Variants in PCM1 observed in about 807,000 individuals in gnomAD.
PCM1 encodes pericentriolar material 1, also known as pericentriolar material 1 protein.
Under a neutral mutation model 241.9 loss-of-function variants are expected in PCM1, and 157 were observed. The ratio of observed to expected loss-of-function variants is 0.65; its 90% CI spans 0.57 to 0.74. The LOEUF (loss-of-function observed/expected upper bound fraction) is 0.74. Among genes scored for constraint, PCM1 ranks in the 30% least tolerant of loss-of-function variants. The probability of loss-of-function intolerance (pLI) is 0.00; values close to 1 mark genes in which losing one functional copy is unlikely to be tolerated. For synonymous variants in PCM1, 1,085 were observed against 784.9 expected, an observed-to-expected ratio of 1.38 and a Z score of -6.39; for missense variants, 3,478 against 2,360.1, an observed-to-expected ratio of 1.47 and a Z score of -9.81.
chr8:17,931,185 G>A (rs1054507781), intron 2 of PCM1, among the ~76,000 whole-genome samples: 1 of 152,128 alleles, frequency 6.6e-6, no homozygotes, highest in African/African-American at 2.4e-5. Flanking sequence ...TTTTAGTAGT[G>A]TTCAAAGTCG....
At position 17,976,425 on chromosome 8, in the gene PCM1, G is replaced by C. The variant is rs575250738; in HGVS notation, c.3943+3738G>C. Among the ~76,000 whole-genome samples, 5 of 152,330 alleles carry C rather than the reference G, an allele frequency of 3.3e-5. No individual in the cohort carries two copies. The East Asian group carries it at 9.7e-4, about 29-fold the overall frequency. The stretch of plus-strand genomic sequence containing the variant: ...CAAGGTTGAGGAAGAAAGGTCTCAT[G>C]TTTCATTAGAACCTGAGAGGAGATG... On this transcript the variant is annotated intron_variant, in intron 23 of 38. Coordinates refer to ENST00000325083, the MANE Select transcript of PCM1 (RefSeq NM_006197.4).
At chr8:17,959,843 C>T (rs998880985) in intron 13 of PCM1, among the ~76,000 whole-genome samples, 171 bp from the exon 14 acceptor site, 4 of 152,042 alleles carry the variant, frequency 2.6e-5, no homozygotes, top group Admixed American at 1.3e-4. Context: ...CAAATACAAA[C>T]GTGTGTAAAC....
intron 2 of PCM1, among the ~76,000 whole-genome samples, chr8:17,931,479 G>A (rs2129447438): frequency 6.6e-6 from 1 of 152,118 alleles, no homozygotes; most frequent in Non-Finnish European, 1.5e-5. Flanking sequence ...AGTAGAGATA[G>A]GATTTCGTTA....
chr8:18,007,032 C>T (rs1164444658), intron 30 of PCM1, among the ~76,000 whole-genome samples: 1 of 152,092 alleles, frequency 6.6e-6, no homozygotes, highest in African/African-American at 2.4e-5. Context: ...ATTATCTGGC[C>T]CTAAATGTCA....
At chr8:17,987,887 A>G (rs73196049) in intron 26 of PCM1, among the ~76,000 whole-genome samples, 3,052 of 152,004 alleles carry the variant, frequency 0.02, 35 homozygotes, top group Middle Eastern at 0.045. Context: ...TTTTATTTAA[A>G]TAGCCATATG....
chr8:17,996,406 T>C (rs935206902), intron 29 of PCM1, among the ~76,000 whole-genome samples: 2 of 152,208 alleles, frequency 1.3e-5, no homozygotes, highest in Non-Finnish European at 2.9e-5. Flanking sequence ...CGATGGATCA[T>C]CTTTTTAATG....
Position 17,989,909 on chromosome 8 carries a change from A to T in PCM1, c.4461A>T (p.Gln1487His), listed in dbSNP as rs145539051. The change falls in exon 27 of 39, where the codon CAA becomes CAT. Residue 1487 changes from glutamine to histidine, a missense_variant. By Grantham distance (24) the Gln-to-His change is conservative. Transcript: ENST00000325083. ...GAGAAACCCATAAAATAAGTGAGCA[A>T]AATGATGCTGATAATGCTAGTGTCC... is the stretch of plus-strand genomic sequence containing the variant. ...FERETHKISE[Q>H]NDADNASVLS... 6.5e-7 allele frequency: 1 copy of T among 1,547,022 alleles called. No individual in the cohort carries two copies.
At chr8:17,971,648 A>G (rs1425518021) in intron 22 of PCM1, among the ~76,000 whole-genome samples, 1 of 152,236 alleles carries the variant, frequency 6.6e-6, no homozygotes, top group Non-Finnish European at 1.5e-5. Flanking sequence ...GTGAACACAA[A>G]TCCATGTATG....
intron 8 of PCM1, 52 bp from the exon 9 acceptor site, chr8:17,952,918 A>G: frequency 9.1e-7 from 1 of 1,101,180 alleles, no homozygotes. Flanking sequence ...ATGAGAATGC[A>G]TTTAATTGCG....
At chr8:17,934,444 A>C (rs551745209) in intron 2 of PCM1, among the ~76,000 whole-genome samples, 16 of 152,082 alleles carry the variant, frequency 1.1e-4, no homozygotes, top group Admixed American at 9.8e-4. Flanking sequence ...TATTTTTAGT[A>C]GAGATGGGGT....
chr8:18,011,960 T>G, intron 34 of PCM1, 133 bp downstream of exon 34: 1 of 774,008 alleles, frequency 1.3e-6, no homozygotes, highest in Non-Finnish European at 2.1e-6. Context: ...CTCATTAATA[T>G]GCTTATTAAA....
chr8:17,975,133 G>A (rs1415779852), intron 23 of PCM1, among the ~76,000 whole-genome samples: 1 of 152,122 alleles, frequency 6.6e-6, no homozygotes. Flanking sequence ...ATATGTACGT[G>A]AAAGTCTGAA....
At chr8:17,972,238 A>G (rs1161300998) in intron 22 of PCM1, 91 bp from the exon 23 acceptor site, 12 of 561,878 alleles carry the variant, frequency 2.1e-5, no homozygotes, top group African/African-American at 4.4e-5. Context: ...TTATTCACCT[A>G]AATCTACTCG....
chr8:17,929,350 A>G (rs973939239), intron 2 of PCM1, among the ~76,000 whole-genome samples: 2 of 152,028 alleles, frequency 1.3e-5, no homozygotes, highest in African/African-American at 2.4e-5. Flanking sequence ...ATTTAATACC[A>G]GTGTATTTAA....
chr8:17,963,368 T>C, intron 17 of PCM1, 77 bp downstream of exon 17: 1 of 1,015,618 alleles, frequency 9.8e-7, no homozygotes, highest in Non-Finnish European at 1.5e-6. Flanking sequence ...CAGCCACATT[T>C]CTCCTCTACA....
rs750977185 is a variant in PCM1 at position 17,966,081 on chromosome 8, C to A, written c.2938C>A (p.Arg980=). 1 of 1,613,854 alleles carries A rather than the reference C, an allele frequency of 6.2e-7. No individual in the cohort carries two copies. The change falls in exon 19 of 39, where the codon CGG becomes AGG. Residue 980 remains arginine (R), a synonymous_variant. Transcript: ENST00000325083. ...KTRQQNISMQ[R]QENLRWVSEL... ...AAGGCAACAGAATATCAGCATGCAA[C>A]GGCAAGAAAACCTTCGTTGGGTGTC...
intron 9 of PCM1, 92 bp from the exon 10 acceptor site, chr8:17,955,378 C>T (rs1301826499): frequency 1.2e-6 from 1 of 813,490 alleles, no homozygotes; most frequent in African/African-American, 1.7e-5. Context: ...TTAATTTTTA[C>T]TTTTTAGTTT....
At chr8:17,927,304 C>A (rs936056299) in intron 2 of PCM1, 3 of 151,674 alleles carry the variant, frequency 2.0e-5, no homozygotes, top group Admixed American at 2.0e-4. Flanking sequence ...CTAATATTTG[C>A]GTTTTTAGTA....
At chr8:18,008,374 A>C (rs1374230970) in intron 30 of PCM1, among the ~76,000 whole-genome samples, 1 of 152,006 alleles carries the variant, frequency 6.6e-6, no homozygotes, top group Non-Finnish European at 1.5e-5. Flanking sequence ...TAGTTGCAGG[A>C]AAATAAGCTC....
Sources: allele counts gnomAD v4.1 joint callset (sites outside exome capture counted in the v4.1 genomes callset), GRCh38; gene constraint gnomAD v4.1.1; transcripts MANE v1.5; gene names NCBI Gene and HGNC (gene_info 2026-07-23, HGNC 2026-07-21).